The following DOP1B variants were observed in gnomAD, a reference collection of about 807,000 sequenced individuals.
DOP1B encodes the protein DOP1 leucine zipper like protein B.
Under a neutral mutation model 233.5 loss-of-function variants are expected in DOP1B, and 174 were observed. The observed-to-expected ratio is 0.75, with a 90% confidence interval of 0.66 to 0.85. DOP1B has a LOEUF of 0.85. Among genes scored for constraint, DOP1B ranks in the 40% least tolerant of loss-of-function variants. DOP1B has a pLI of 0.00. For synonymous variants in DOP1B, 1,190 were observed against 1,185.6 expected (o/e 1.00, Z -0.08); for missense variants, 2,652 against 2,846.6 (o/e 0.93, Z 1.56).
chr21:36,292,157 C>G lies in DOP1B; in HGVS notation c.6569C>G (p.Ser2190Trp). 6.2e-7 allele frequency: 1 copy of G among 1,611,786 alleles called. No homozygotes were observed. The highest frequency in any genetic ancestry group is 8.5e-7 in the Non-Finnish European group (1 of 1,179,144). ...GACACAGAGGGCCCTGCCTTCCTGTCGGATGTAGAGGAGAATCACCAAGAA... is the reference window on the plus strand; with the variant it reads ...GACACAGAGGGCCCTGCCTTCCTGTGGGATGTAGAGGAGAATCACCAAGAA... ...EVDTEGPAFL[S>W]DVEENHQECK... Residue 2190 changes from serine (S) to tryptophan (W), a missense_variant, in exon 36 of 37, where the codon TCG (serine) becomes TGG (tryptophan). Physicochemically the swap from Ser to Trp is radical, Grantham distance 177. Transcript: ENST00000691173.
rs1209880865 is a variant in DOP1B at position 36,208,104 on chromosome 21, A to T, written c.492-611A>T. Among the ~76,000 whole-genome samples the T allele has an allele frequency of 2.6e-5, 4 of 152,226 alleles. No individual in the cohort carries two copies. In the East Asian group the frequency reaches 7.7e-4, roughly 29 times the overall value. On this transcript the variant is annotated intron_variant, in intron 4 of 36. Coordinates refer to ENST00000691173, the MANE Select transcript of DOP1B (RefSeq NM_001320714.2). ...CAGCACAAGAGCCCCTGGGAGCGGG[A>T]GTCAGCACATGCAGGTGCTGTGGGC... is the stretch of plus-strand genomic sequence containing the variant.
intron 2 of DOP1B, among the ~76,000 whole-genome samples, chr21:36,186,180 G>T (rs940194616): frequency 1.3e-5 from 2 of 151,586 alleles, no homozygotes; most frequent in East Asian, 3.9e-4. Flanking sequence ...TCCAGCCTGG[G>T]CAACAGAACG....
At chr21:36,201,342 A>ATTTTTTTT (rs1187890925) in intron 4 of DOP1B, among the ~76,000 whole-genome samples, 4 of 46,982 alleles carry the variant, frequency 8.5e-5, no homozygotes, top group African/African-American at 3.7e-4. Context: ...TATCTATTGG[A>ATTTTTTTT]TTCTTTTTTT....
At chr21:36,240,073 C>A in intron 18 of DOP1B, 118 bp downstream of exon 18, 1 of 1,209,900 alleles carries the variant, frequency 8.3e-7, no homozygotes, top group Non-Finnish European at 1.1e-6. Context: ...GCAAATGGTA[C>A]TTTGTAAATT....
At chr21:36,214,378 C>T in intron 8 of DOP1B, 64 bp from the exon 9 acceptor site, 3 of 1,488,456 alleles carry the variant, frequency 2.0e-6, no homozygotes, top group South Asian at 1.2e-5. Flanking sequence ...ATTAGAATAG[C>T]CAGTAATGTT....
At position 36,223,346 on chromosome 21, in the gene DOP1B, T is replaced by C. The variant is rs1204878431; in HGVS notation, c.1366T>C (p.Phe456Leu). The C allele has an allele frequency of 1.2e-6, 2 of 1,608,754 alleles. No homozygotes were observed. The highest frequency in any genetic ancestry group is 1.7e-6 in the Non-Finnish European group (2 of 1,178,872). The change falls in exon 11 of 37, where the codon TTT becomes CTT. Residue 456 changes from phenylalanine (F) to leucine (L), a missense_variant. Phe to Leu is a conservative substitution (Grantham distance 22, BLOSUM62 0). Transcript: ENST00000691173. ...TATGACAAGGTGTTTTGAGGAATGC[T>C]TTAGGTAAGTATGCAGTTCAAGAAT... ...DYMTRCFEEC[F>L]RPVKQRYSVR...
chr21:36,245,985 C>T lies in DOP1B; in HGVS notation c.4005C>T (p.His1335=), dbSNP rs2066957160. The change falls in exon 19 of 37, where the codon CAC becomes CAT. Residue 1335 remains histidine (H), a synonymous_variant. Transcript: ENST00000691173. The surrounding 1 kb of genome is among the most constrained non-coding windows in gnomAD (Gnocchi z 5.5). ...SYYPCYLKVS[H]RDILGNRDVQ... ...ACCCTTGCTATTTGAAGGTCTCGCA[C>T]CGAGACATTCTCGGCAACCGGGACG... 3 of 1,614,008 alleles carry T rather than the reference C, an allele frequency of 1.9e-6. No homozygotes were observed. Among genetic ancestry groups the T allele is most frequent in the Non-Finnish European group, 2.5e-6 (3 of 1,180,036 alleles).
At chr21:36,187,109 C>T (rs1342577756) in intron 2 of DOP1B, among the ~76,000 whole-genome samples, 1 of 143,864 alleles carries the variant, frequency 7.0e-6, no homozygotes, top group Non-Finnish European at 1.5e-5. Context: ...CCCCAGCAGA[C>T]GGTGAGTGGG....
At chr21:36,235,706 G>C (rs1366906138) in intron 15 of DOP1B, among the ~76,000 whole-genome samples, 4 of 152,012 alleles carry the variant, frequency 2.6e-5, no homozygotes, top group Non-Finnish European at 4.4e-5. Flanking sequence ...CCAGCCTGGG[G>C]CACATAGTGA....
At chr21:36,211,756 C>A in intron 6 of DOP1B, 105 bp downstream of exon 6, 1 of 1,344,982 alleles carries the variant, frequency 7.4e-7, no homozygotes, top group Non-Finnish European at 1.0e-6. Context: ...CACTCATGGG[C>A]ATTATTTGCT....
At chr21:36,167,913 C>G (rs988445513) in intron 2 of DOP1B, among the ~76,000 whole-genome samples, 2 of 136,278 alleles carry the variant, frequency 1.5e-5, no homozygotes, top group African/African-American at 2.7e-5. Context: ...GGGTAAGTCA[C>G]ATTTTCTTTT....
At chr21:36,291,435 C>G (rs1435616799) in intron 35 of DOP1B, among the ~76,000 whole-genome samples, 1 of 151,974 alleles carries the variant, frequency 6.6e-6, no homozygotes, top group African/African-American at 2.4e-5. Flanking sequence ...GTGGCAGGTG[C>G]CTGTAATCCC....
At chr21:36,190,676 C>T (rs573652002) in intron 2 of DOP1B, among the ~76,000 whole-genome samples, 8 of 152,198 alleles carry the variant, frequency 5.3e-5, no homozygotes, top group East Asian at 1.9e-4. Context: ...GGATTACAGG[C>T]GTGAGCCATT....
At chr21:36,229,200 A>G (rs1289819590) in intron 13 of DOP1B, among the ~76,000 whole-genome samples, 2 of 152,308 alleles carry the variant, frequency 1.3e-5, no homozygotes, top group South Asian at 2.1e-4. Context: ...TGGGACTGCC[A>G]TAATAAAGTA....
chr21:36,272,649 CAAAAA>C (rs1048479594), intron 27 of DOP1B, among the ~76,000 whole-genome samples: 1 of 58,710 alleles, frequency 1.7e-5, no homozygotes. Context: ...AACTCCATCT[CAAAAA>C]AAAAAAAAAA....
intron 18 of DOP1B, among the ~76,000 whole-genome samples, chr21:36,241,689 CTTTCTT>C (rs1365670749): frequency 1.1e-5 from 1 of 91,628 alleles, no homozygotes; most frequent in Non-Finnish European, 2.1e-5. Context: ...TTTTTTCTTT[CTTTCTT>C]TTTTTTTTTT....
Position 36,278,375 on chromosome 21 carries a change from TAAC to T in DOP1B, c.5969+24_5969+26del, listed in dbSNP as rs746241667. The T allele has an allele frequency of 5.6e-6, 9 of 1,594,132 alleles. No individual in the cohort carries two copies. The Admixed American group carries it at 1.1e-4, about 19-fold the overall frequency. On this transcript the variant is annotated intron_variant, in intron 30 of 36. Coordinates refer to ENST00000691173, the MANE Select transcript of DOP1B (RefSeq NM_001320714.2). ...TGTTCAGTAAGATATGCTGTCCTGA[TAAC>T]AACGTGCTCTGAATCTTCAGGTGGA...
intron 36 of DOP1B, 107 bp from the exon 37 acceptor site, chr21:36,293,213 A>C: frequency 7.4e-7 from 1 of 1,347,836 alleles, no homozygotes; most frequent in East Asian, 2.3e-5. Context: ...CTCAAAAAAA[A>C]AAAAAAAGGA....
At chr21:36,202,651 C>A (rs1319180144) in intron 4 of DOP1B, among the ~76,000 whole-genome samples, 3 of 152,202 alleles carry the variant, frequency 2.0e-5, no homozygotes, top group Non-Finnish European at 4.4e-5. Flanking sequence ...TAAAACATTG[C>A]ACTTTAACCA....
Sources: gnomAD v4.1 joint callset for allele counts (sites outside exome capture counted in the v4.1 genomes callset) on GRCh38, gnomAD v4.1.1 for gene constraint, Gnocchi (gnomAD v3.1) non-coding constraint, MANE v1.5 for transcripts, NCBI Gene and HGNC (gene_info 2026-07-23, HGNC 2026-07-21) for gene names.